Variants in DNAL1 observed in about 807,000 individuals in gnomAD.
DNAL1 encodes the protein dynein axonemal light chain 1.
Under a neutral mutation model 29.4 loss-of-function variants are expected in DNAL1, and 17 were observed. That is an observed-to-expected ratio of 0.58 (90% CI 0.40 to 0.87). DNAL1 has a LOEUF of 0.87. DNAL1 is among the 40% of genes least tolerant of loss of function. The pLI, the probability that DNAL1 is intolerant of heterozygous loss-of-function variation, is 0.00. For synonymous variants in DNAL1, 78 were observed against 76.3 expected, an observed-to-expected ratio of 1.02 and a Z score of -0.12; for missense variants, 188 against 214.1, an observed-to-expected ratio of 0.88 and a Z score of 0.76.
At chr14:73,672,354 C>T (rs1891632642) in intron 5 of DNAL1, among the ~76,000 whole-genome samples, 1 of 152,092 alleles carries the variant, frequency 6.6e-6, no homozygotes, top group Middle Eastern at 3.4e-3. Context: ...GCCTGTAATC[C>T]CAGCACTTTG....
At chr14:73,686,630 C>G (rs931518894) in intron 5 of DNAL1, among the ~76,000 whole-genome samples, 1 of 151,998 alleles carries the variant, frequency 6.6e-6, no homozygotes, top group Admixed American at 6.6e-5. Flanking sequence ...TGCTTGAGCC[C>G]GGGGGAGGTT....
intron 5 of DNAL1, among the ~76,000 whole-genome samples, chr14:73,681,633 A>AAAAATATAT (rs1555402645): frequency 2.8e-5 from 1 of 35,414 alleles, no homozygotes; most frequent in African/African-American, 2.2e-4. Context: ...AAAAAAAAAA[A>AAAAATATAT]ATATATATAT....
intron 4 of DNAL1, among the ~76,000 whole-genome samples, chr14:73,670,715 ATTT>A (rs1283016121): frequency 6.6e-6 from 1 of 151,170 alleles, no homozygotes; most frequent in African/African-American, 2.4e-5. Context: ...ATTTTATTTT[ATTT>A]TTTATTTTTT....
intron 2 of DNAL1, among the ~76,000 whole-genome samples, chr14:73,655,470 G>A (rs182783457): frequency 5.3e-5 from 8 of 150,634 alleles, no homozygotes; most frequent in African/African-American, 1.9e-4. Context: ...TCAGCCTCCC[G>A]AGTAGCTGGA....
At chr14:73,665,986 CAG>C (rs1165349893) in intron 4 of DNAL1, among the ~76,000 whole-genome samples, 1 of 152,112 alleles carries the variant, frequency 6.6e-6, no homozygotes, top group East Asian at 1.9e-4. Flanking sequence ...GACACAAAAT[CAG>C]AGAGTATAGG....
At chr14:73,647,137 T>A (rs769193245) in intron 1 of DNAL1, among the ~76,000 whole-genome samples, 6 of 151,760 alleles carry the variant, frequency 4.0e-5, no homozygotes, top group Non-Finnish European at 7.4e-5. Flanking sequence ...GGTGGGCGGA[T>A]CACGAGGTCA....
intron 1 of DNAL1, 53 bp from the exon 2 acceptor site, chr14:73,654,794 A>G: frequency 1.4e-6 from 2 of 1,456,238 alleles, no homozygotes; most frequent in Non-Finnish European, 1.8e-6. Flanking sequence ...ACATACATTC[A>G]TACATACATA....
intron 5 of DNAL1, among the ~76,000 whole-genome samples, chr14:73,680,495 G>T (rs186863189): frequency 4.7e-4 from 72 of 152,150 alleles, no homozygotes; most frequent in Non-Finnish European, 7.9e-4. Flanking sequence ...CATGTATAAA[G>T]ATTTATTTCT....
intron 7 of DNAL1, among the ~76,000 whole-genome samples, chr14:73,689,872 C>A (rs1439345356): frequency 3.3e-5 from 5 of 151,704 alleles, no homozygotes; most frequent in Non-Finnish European, 5.9e-5. Flanking sequence ...CCCATCTCTA[C>A]TAAAAATATA....
intron 2 of DNAL1, among the ~76,000 whole-genome samples, chr14:73,655,346 C>CT (rs780510214): frequency 0.026 from 3,560 of 139,144 alleles, 56 homozygotes; most frequent in Non-Finnish European, 0.039. Flanking sequence ...TTTTTCTTTT[C>CT]TTTTTTTTTT....
chr14:73,698,679 G>C lies in DNAL1; in HGVS notation c.*2737G>C, dbSNP rs1186808531. ...GGCTTGTCTTGAACTCCTAACTTCA[G>C]ATGACCTGCCCACATCGGCCTCCCA... is the stretch of plus-strand genomic sequence containing the variant. On this transcript the variant is annotated 3_prime_UTR_variant, in exon 8 of 8. Transcript: ENST00000553645. The C allele has an allele frequency of 6.6e-6, 1 of 152,074 alleles. No individual in the cohort carries two copies. 9.4% of individuals were successfully genotyped at this position (152,074 alleles called of 1,614,324 possible).
At chr14:73,665,304 CCTGT>C (rs1891451754) in intron 4 of DNAL1, among the ~76,000 whole-genome samples, 2 of 151,990 alleles carry the variant, frequency 1.3e-5, no homozygotes, top group Non-Finnish European at 2.9e-5. Flanking sequence ...GTGTGAGATG[CCTGT>C]CTATTCTAAT....
chr14:73,655,346 CTTT>C (rs780510214), intron 2 of DNAL1, among the ~76,000 whole-genome samples: 4 of 139,172 alleles, frequency 2.9e-5, no homozygotes, highest in Non-Finnish European at 1.6e-5. Flanking sequence ...TTTTTCTTTT[CTTT>C]TTTTTTTTTT....
intron 5 of DNAL1, among the ~76,000 whole-genome samples, chr14:73,677,361 G>A (rs1891759117): frequency 1.3e-5 from 2 of 150,814 alleles, no homozygotes; most frequent in Non-Finnish European, 3.0e-5. Context: ...TTAGAGGCAG[G>A]GTCTCGCTAT....
At chr14:73,649,724 C>G (rs1445428827) in intron 1 of DNAL1, among the ~76,000 whole-genome samples, 1 of 152,074 alleles carries the variant, frequency 6.6e-6, no homozygotes, top group Non-Finnish European at 1.5e-5. Context: ...TTTTCTTTTT[C>G]CTTAGTAATT....
At chr14:73,681,633 A>AT (rs1397342699) in intron 5 of DNAL1, among the ~76,000 whole-genome samples, 4 of 35,370 alleles carry the variant, frequency 1.1e-4, no homozygotes, top group South Asian at 1.8e-3. Flanking sequence ...AAAAAAAAAA[A>AT]ATATATATAT....
intron 5 of DNAL1, among the ~76,000 whole-genome samples, chr14:73,676,519 C>T (rs1056414547): frequency 3.9e-5 from 6 of 152,040 alleles, no homozygotes; most frequent in Non-Finnish European, 7.4e-5. Context: ...AGCTTTTTCT[C>T]TCAACAATAT....
At chr14:73,668,454 A>T (rs1458896359) in intron 4 of DNAL1, among the ~76,000 whole-genome samples, 2 of 152,186 alleles carry the variant, frequency 1.3e-5, no homozygotes, top group Admixed American at 1.3e-4. Context: ...AAGAATAATT[A>T]TGTGATTTTC....
chr14:73,691,802 T>C (rs1332009319), intron 7 of DNAL1, among the ~76,000 whole-genome samples: 1 of 149,052 alleles, frequency 6.7e-6, no homozygotes, highest in Non-Finnish European at 1.5e-5. Context: ...CAAGCGATTC[T>C]CCTGCCTCAG....
Sources: allele counts gnomAD v4.1 joint callset (sites outside exome capture counted in the v4.1 genomes callset), GRCh38; gene constraint gnomAD v4.1.1; transcripts MANE v1.5; gene names NCBI Gene and HGNC (gene_info 2026-07-23, HGNC 2026-07-21).